Variants in TMPRSS11D observed in about 807,000 individuals in gnomAD.
The protein encoded by TMPRSS11D is transmembrane serine protease 11D.
A neutral mutation model predicts 44.4 loss-of-function variants in TMPRSS11D; 32 were observed. That is an observed-to-expected ratio of 0.72 (90% confidence interval 0.54 to 0.97). The LOEUF is 0.97. TMPRSS11D is among the 50% of genes least tolerant of loss of function. The pLI, the probability that TMPRSS11D is intolerant of heterozygous loss-of-function variation, is 0.00. For missense variants in TMPRSS11D, 446 were observed against 502.6 expected (o/e 0.89, Z 1.08); for synonymous variants, 179 against 177.9 (o/e 1.01, Z -0.05).
At chr4:67,873,442 G>A (rs976515532) in intron 1 of TMPRSS11D, among the ~76,000 whole-genome samples, 2 of 152,098 alleles carry the variant, frequency 1.3e-5, no homozygotes, top group African/African-American at 2.4e-5. Context: ...GGGAATCTGG[G>A]AAACTAAGCC....
chr4:67,877,082 G>A (rs1290669145), intron 1 of TMPRSS11D, among the ~76,000 whole-genome samples: 1 of 152,116 alleles, frequency 6.6e-6, no homozygotes, highest in African/African-American at 2.4e-5. Context: ...AACTTGAAAC[G>A]GGCGATAGGT....
chr4:67,827,727 T>C (rs1165529196), intron 7 of TMPRSS11D, among the ~76,000 whole-genome samples: 5 of 152,136 alleles, frequency 3.3e-5, no homozygotes, highest in Non-Finnish European at 7.4e-5. Context: ...ATGGAGAAGA[T>C]TTTAGAAAAC....
intron 1 of TMPRSS11D, among the ~76,000 whole-genome samples, chr4:67,873,789 A>T (rs1719114561): frequency 6.6e-6 from 1 of 152,142 alleles, no homozygotes; most frequent in African/African-American, 2.4e-5. Flanking sequence ...ATTACATTAG[A>T]AAAGATCAGA....
chr4:67,834,187 A>C (rs901877289), intron 6 of TMPRSS11D, among the ~76,000 whole-genome samples: 1 of 152,186 alleles, frequency 6.6e-6, no homozygotes, highest in Non-Finnish European at 1.5e-5. Flanking sequence ...CTAAGAAATT[A>C]ATGGTAAATC....
chr4:67,838,080 G>T, intron 5 of TMPRSS11D, 92 bp downstream of exon 5: 1 of 1,125,260 alleles, frequency 8.9e-7, no homozygotes. Flanking sequence ...TTCAAAGAAA[G>T]AAAAGTCAGC....
At chr4:67,838,405 A>T in intron 4 of TMPRSS11D, 76 bp from the exon 5 acceptor site, 2 of 1,333,090 alleles carry the variant, frequency 1.5e-6, no homozygotes, top group Non-Finnish European at 2.0e-6. Context: ...ATTCTTCTTG[A>T]TTAAACCCTT....
chr4:67,855,289 A>T (rs1718611658), intron 2 of TMPRSS11D, among the ~76,000 whole-genome samples: 1 of 151,692 alleles, frequency 6.6e-6, no homozygotes, highest in African/African-American at 2.4e-5. Flanking sequence ...AATATTACTG[A>T]TGAACACAGA....
rs564873617 is a variant in TMPRSS11D at position 67,830,656 on chromosome 4, T to A, written c.692+2548A>T. 2.0e-5 allele frequency among the ~76,000 whole-genome samples: 3 copies of A among 152,102 alleles called. No individual in the cohort carries two copies. In the South Asian group the frequency reaches 6.2e-4, roughly 31 times the overall value. ...CTTCTTTTGCTCGGAGTCTTTACAG[T>A]GAAGGTTCTGAAGAGACTCTTTTTT... On this transcript the variant is annotated intron_variant, in intron 7 of 9. Coordinates refer to ENST00000283916, the MANE Select transcript of TMPRSS11D (RefSeq NM_004262.3).
At chr4:67,855,283 T>A (rs1162378685) in intron 2 of TMPRSS11D, among the ~76,000 whole-genome samples, 1 of 149,696 alleles carries the variant, frequency 6.7e-6, no homozygotes, top group African/African-American at 2.5e-5. Flanking sequence ...TAGGCCAATA[T>A]TACTGATGAA....
chr4:67,837,010 T>C (rs1718106048), intron 5 of TMPRSS11D, among the ~76,000 whole-genome samples: 1 of 152,192 alleles, frequency 6.6e-6, no homozygotes, highest in Admixed American at 6.6e-5. Flanking sequence ...ATTCCTGCAG[T>C]GATCATTGCC....
intron 1 of TMPRSS11D, among the ~76,000 whole-genome samples, chr4:67,879,471 C>CAAAAAA (rs58768044): frequency 9.2e-6 from 1 of 108,748 alleles, no homozygotes; most frequent in African/African-American, 3.6e-5. Flanking sequence ...GACTCCTTCT[C>CAAAAAA]AAAAAAAAAA....
At position 67,822,391 on chromosome 4, in the gene TMPRSS11D, C is replaced by T; in HGVS notation, c.1203G>A (p.Val401=). ...DQCGLPDKPG[V]YTRVTAYLDW... The stretch of plus-strand genomic sequence containing the variant: ...CAAGGTAGGCTGTCACTCGAGTATA[C>T]ACTCCTGGCTTATCCGGCAGGCCAC... The change falls in exon 10 of 10, where the codon GTG becomes GTA. Residue 401 remains valine (V), a synonymous_variant. Coordinates refer to ENST00000283916, the MANE Select transcript of TMPRSS11D (RefSeq NM_004262.3). 4 of 1,613,876 alleles carry T rather than the reference C, an allele frequency of 2.5e-6. No homozygotes were observed. Among genetic ancestry groups the T allele is most frequent in the Non-Finnish European group, 2.5e-6 (3 of 1,179,870 alleles).
At chr4:67,867,792 G>T in intron 1 of TMPRSS11D, among the ~76,000 whole-genome samples, 1 of 152,142 alleles carries the variant, frequency 6.6e-6, no homozygotes, top group East Asian at 1.9e-4. Context: ...ACACCAGTTG[G>T]AATGGTTATT....
intron 1 of TMPRSS11D, among the ~76,000 whole-genome samples, chr4:67,878,382 C>T (rs1719243986): frequency 6.6e-6 from 1 of 152,228 alleles, no homozygotes; most frequent in Non-Finnish European, 1.5e-5. Flanking sequence ...GAGATTTCCA[C>T]AGAGTAAATG....
At chr4:67,846,325 TGA>T (rs1417533743) in intron 3 of TMPRSS11D, among the ~76,000 whole-genome samples, 1 of 152,086 alleles carries the variant, frequency 6.6e-6, no homozygotes, top group Non-Finnish European at 1.5e-5. Context: ...AATATATTTA[TGA>T]AATTAGAAAT....
intron 1 of TMPRSS11D, among the ~76,000 whole-genome samples, chr4:67,873,598 A>T (rs967408093): frequency 6.6e-6 from 1 of 152,186 alleles, no homozygotes; most frequent in Non-Finnish European, 1.5e-5. Context: ...ATTGGGTGAA[A>T]TAAGTTGTTT....
chr4:67,872,179 T>A (rs1208089519), intron 1 of TMPRSS11D, among the ~76,000 whole-genome samples: 1 of 152,190 alleles, frequency 6.6e-6, no homozygotes, highest in Admixed American at 6.5e-5. Context: ...AACAACTACT[T>A]ACAGACTTGC....
intron 3 of TMPRSS11D, among the ~76,000 whole-genome samples, chr4:67,851,391 A>AACT (rs1718505128): frequency 6.6e-6 from 1 of 152,212 alleles, no homozygotes; most frequent in South Asian, 2.1e-4. Flanking sequence ...ACTCCTGTGT[A>AACT]AAGGCAGGCA....
chr4:67,855,951 C>CA (rs1718624846), intron 2 of TMPRSS11D, among the ~76,000 whole-genome samples: 1 of 151,986 alleles, frequency 6.6e-6, no homozygotes, highest in Non-Finnish European at 1.5e-5. Context: ...CCATCTTCTA[C>CA]AAGGACAACT....
Sources: allele counts gnomAD v4.1 joint callset (sites outside exome capture counted in the v4.1 genomes callset), GRCh38; gene constraint gnomAD v4.1.1; transcripts MANE v1.5; gene names NCBI Gene and HGNC (gene_info 2026-07-23, HGNC 2026-07-21).